The following PPP2R5C variants were observed in gnomAD, a reference collection of about 807,000 sequenced individuals.
The protein encoded by PPP2R5C is protein phosphatase 2 regulatory subunit B'gamma.
PPP2R5C carries 7 observed loss-of-function variants against 68.9 expected under a neutral mutation model. The observed-to-expected ratio is 0.10, with a 90% CI of 0.06 to 0.19. The LOEUF (loss-of-function observed/expected upper bound fraction) is 0.19, where lower values mean the gene tolerates loss of function less well. Among genes scored for constraint, PPP2R5C ranks in the 10% least tolerant of loss-of-function variants. PPP2R5C has a pLI of 1.00. For synonymous variants in PPP2R5C, 210 were observed against 222.2 expected, an observed-to-expected ratio of 0.95 and a Z score of 0.49; for missense variants, 348 against 641.3, an observed-to-expected ratio of 0.54 and a Z score of 4.94.
chr14:101,765,304 T>G (rs1387782291), intron 2 of PPP2R5C: 1 of 701,464 alleles, frequency 1.4e-6, no homozygotes, highest in Non-Finnish European at 2.6e-6. Context: ...AAATTGTTTT[T>G]CAGGAATACA....
At chr14:101,840,795 T>C (rs941554760) in intron 1 of PPP2R5C, among the ~76,000 whole-genome samples, 1 of 152,220 alleles carries the variant, frequency 6.6e-6, no homozygotes, top group Non-Finnish European at 1.5e-5. Context: ...AATTGTGTTA[T>C]GCAGAACCAG....
rs990471354 is a variant in PPP2R5C, at chr14:101,917,398, G to A, written c.1327-433G>A. Among the ~76,000 whole-genome samples the A allele has an allele frequency of 2.0e-5, 3 of 152,174 alleles. No homozygotes were observed. The highest frequency in any genetic ancestry group is 2.9e-5 in the Non-Finnish European group (2 of 68,018). ...GCTGTCTCGATGAGAGGACATGATC[G>A]TGAGAGGAAAGGGAAAAGAATCATG... On this transcript the variant is annotated intron_variant, in intron 12 of 13. Coordinates refer to ENST00000334743, the Ensembl canonical transcript of PPP2R5C. This position sits in a 1 kb window ranked among gnomAD's most constrained non-coding sequence, Gnocchi z 4.4.
chr14:101,776,862 G>A lies in PPP2R5C; in HGVS notation c.94-9156G>A, dbSNP rs1451700499. ...TTTCAAGGTCCATCCATGTTGTAGC[G>A]TGCGTCATACCTCATTCCCTTTTTT... On this transcript the variant is annotated intron_variant, in intron 2 of 14. Transcript: ENST00000328724. 9.9e-5 allele frequency among the ~76,000 whole-genome samples: 15 copies of A among 151,504 alleles called. No individual in the cohort carries two copies. The South Asian group carries it at 1.7e-3, about 17-fold the overall frequency.
At chr14:101,839,048 TAGAAA>T (rs1026351853) in intron 1 of PPP2R5C, 25 of 112,466 alleles carry the variant, frequency 2.2e-4, no homozygotes, top group African/African-American at 9.1e-4. Context: ...TGTCTCAAAT[TAGAAA>T]AGAAAAAAAA....
chr14:101,804,024 T>C (rs770258017), intron 3 of PPP2R5C, among the ~76,000 whole-genome samples: 1 of 151,926 alleles, frequency 6.6e-6, no homozygotes, highest in Admixed American at 6.6e-5. Context: ...AACAACTCTA[T>C]AGGAAAAAAA....
At position 101,872,264 on chromosome 14, in the gene PPP2R5C, C is replaced by G. The variant is rs79259848; in HGVS notation, c.295-9897C>G. Among the ~76,000 whole-genome samples the G allele has an allele frequency of 7.4e-3, 908 of 122,500 alleles. 13 individuals are homozygous for G. Among genetic ancestry groups the G allele is most frequent in the African/African-American group, 0.03 (876 of 29,332 alleles). 80.4% of individuals were successfully genotyped at this position (122,500 alleles called of 152,430 possible). ...TTTGAGACAGGGTCTTGCTCTGTTA[C>G]CCAGGCCAGTGTATAGTGGTGCAAT... On this transcript the variant is annotated intron_variant, in intron 2 of 13. Transcript: ENST00000334743.
At chr14:101,901,082 G>T (rs904928707) in intron 8 of PPP2R5C, among the ~76,000 whole-genome samples, 6 of 152,238 alleles carry the variant, frequency 3.9e-5, no homozygotes, top group African/African-American at 1.4e-4. Context: ...GCATACAGAA[G>T]TATGTGTGTT....
intron 1 of PPP2R5C, among the ~76,000 whole-genome samples, chr14:101,855,619 G>A (rs1308471567): frequency 6.6e-6 from 1 of 152,210 alleles, no homozygotes; most frequent in Non-Finnish European, 1.5e-5. Context: ...TGTTCACGGA[G>A]TTATGCAAAT....
chr14:101,774,021 C>T (rs941342235), intron 2 of PPP2R5C, among the ~76,000 whole-genome samples: 3 of 152,176 alleles, frequency 2.0e-5, no homozygotes, highest in African/African-American at 7.2e-5. Flanking sequence ...TTCTGAGGGT[C>T]ATGGGAAGCC....
At position 101,797,858 on chromosome 14, in the gene PPP2R5C, T is replaced by A. The variant is rs2038689969; in HGVS notation, c.259+11675T>A. Reference sequence around the variant, plus strand: ...TCACACACAGCCCCAGCACTCTGGGTGGATTTCACTTCATCTACTCCACTC... The same window carrying A: ...TCACACACAGCCCCAGCACTCTGGGAGGATTTCACTTCATCTACTCCACTC... On this transcript the variant is annotated intron_variant, in intron 3 of 14. Transcript: ENST00000328724. The surrounding 1 kb of genome is among the most constrained non-coding windows in gnomAD (Gnocchi z 4.2). Among the ~76,000 whole-genome samples, 1 of 151,962 alleles carries A rather than the reference T, an allele frequency of 6.6e-6. No homozygotes were observed. Among genetic ancestry groups the A allele is most frequent in the Non-Finnish European group, 1.5e-5 (1 of 67,988 alleles).
chr14:101,906,185 T>C lies in PPP2R5C; in HGVS notation c.1024-217T>C, dbSNP rs2046011984. 6.6e-6 allele frequency among the ~76,000 whole-genome samples: 1 copy of C among 152,212 alleles called. No individual in the cohort carries two copies. Among genetic ancestry groups the C allele is most frequent in the African/African-American group, 2.4e-5 (1 of 41,452 alleles). ...GAATAAGTAGAGAAATAGGTGACAA[T>C]GTTCTTGATGAGTTGATGTACAAGA... On this transcript the variant is annotated intron_variant, in intron 9 of 13. Coordinates refer to ENST00000334743, the Ensembl canonical transcript of PPP2R5C. The surrounding 1 kb of genome is among the most constrained non-coding windows in gnomAD (Gnocchi z 4.0).
At chr14:101,908,395 A>T (rs2141083884) in intron 10 of PPP2R5C, among the ~76,000 whole-genome samples, 1 of 152,166 alleles carries the variant, frequency 6.6e-6, no homozygotes, top group South Asian at 2.1e-4. Flanking sequence ...TATTTTTGAG[A>T]TGGAGTCTTG....
chr14:101,876,813 C>T (rs563049498), intron 2 of PPP2R5C, among the ~76,000 whole-genome samples: 4 of 152,150 alleles, frequency 2.6e-5, no homozygotes, highest in Non-Finnish European at 4.4e-5. Flanking sequence ...CAGTCAGAAA[C>T]GTTTGGGAAG....
chr14:101,785,140 C>G (rs974355492), intron 2 of PPP2R5C, among the ~76,000 whole-genome samples: 1 of 152,216 alleles, frequency 6.6e-6, no homozygotes, highest in Admixed American at 6.5e-5. Flanking sequence ...GGCAGCAGAA[C>G]AGCTCCAGCG....
chr14:101,792,937 G>A (rs987591248), intron 3 of PPP2R5C, among the ~76,000 whole-genome samples: 6 of 151,324 alleles, frequency 4.0e-5, no homozygotes, highest in African/African-American at 1.5e-4. Flanking sequence ...GAGTGCAGTG[G>A]TGCAATCTTG....
intron 1 of PPP2R5C, among the ~76,000 whole-genome samples, chr14:101,813,756 G>A (rs1046533034): frequency 2.0e-5 from 3 of 152,238 alleles, no homozygotes; most frequent in Non-Finnish European, 4.4e-5. Flanking sequence ...TTATCCAGTG[G>A]ATGAGTCTGT....
chr14:101,909,531 A>G, intron 10 of PPP2R5C, 58 bp from the exon 13 acceptor site: 2 of 1,179,556 alleles, frequency 1.7e-6, no homozygotes, highest in Non-Finnish European at 2.5e-6. Flanking sequence ...GAGAGTGGAG[A>G]GGCGAGGGCT....
chr14:101,819,218 G>A, intron 1 of PPP2R5C: 2 of 743,078 alleles, frequency 2.7e-6, no homozygotes, highest in Non-Finnish European at 4.5e-6. Flanking sequence ...CTCAAAGGGG[G>A]GTAGCACTTG....
At chr14:101,765,290 G>C in intron 2 of PPP2R5C, 1 of 702,004 alleles carries the variant, frequency 1.4e-6, no homozygotes, top group African/African-American at 1.7e-5. Flanking sequence ...GCAGATCACT[G>C]TGTAAATTGT....
Sources: gnomAD v4.1 joint callset for allele counts (sites outside exome capture counted in the v4.1 genomes callset) on GRCh38, gnomAD v4.1.1 for gene constraint, Gnocchi (gnomAD v3.1) non-coding constraint, MANE v1.5 for transcripts, NCBI Gene and HGNC (gene_info 2026-07-23, HGNC 2026-07-21) for gene names.